DOCK4: variants seen among roughly 807,000 people sequenced by gnomAD.
DOCK4 encodes dedicator of cytokinesis 4, also known as dedicator of cytokinesis protein 4.
Under a neutral mutation model 268.1 loss-of-function variants are expected in DOCK4, and 97 were observed. The observed-to-expected ratio is 0.36, with a 90% CI of 0.31 to 0.43. The LOEUF (loss-of-function observed/expected upper bound fraction) is 0.43. Among genes scored for constraint, DOCK4 ranks in the 20% least tolerant of loss-of-function variants. The pLI is 1.00. For missense variants in DOCK4, 2,145 were observed against 2,455.7 expected (o/e 0.87, Z 2.67); for synonymous variants, 954 against 887.2 (o/e 1.08, Z -1.34).
intron 25 of DOCK4, among the ~76,000 whole-genome samples, chr7:111,835,561 C>A (rs1028777882): frequency 6.6e-6 from 1 of 152,118 alleles, no homozygotes; most frequent in Non-Finnish European, 1.5e-5. Context: ...TTCAATGCAA[C>A]CTTTTGTGCT....
At chr7:112,063,733 G>A (rs1473921020) in intron 1 of DOCK4, among the ~76,000 whole-genome samples, 2 of 152,102 alleles carry the variant, frequency 1.3e-5, no homozygotes, top group African/African-American at 2.4e-5. Flanking sequence ...CCAATTTAGG[G>A]TCTTTGTATC....
chr7:112,046,045 C>T (rs1586711237), intron 1 of DOCK4, among the ~76,000 whole-genome samples: 2 of 152,142 alleles, frequency 1.3e-5, no homozygotes, highest in East Asian at 3.9e-4. Flanking sequence ...AATCATTGTT[C>T]AATACCCTAT....
intron 1 of DOCK4, among the ~76,000 whole-genome samples, chr7:112,122,427 TTTC>T (rs1238476077): frequency 1.3e-5 from 2 of 152,128 alleles, no homozygotes; most frequent in African/African-American, 4.8e-5. Context: ...TTGTCTCTTT[TTTC>T]TTCTTCTTCT....
chr7:111,790,178 TAA>T (rs1373902612), intron 31 of DOCK4, among the ~76,000 whole-genome samples: 1 of 152,060 alleles, frequency 6.6e-6, no homozygotes, highest in African/African-American at 2.4e-5. Flanking sequence ...TGGGTGCAAA[TAA>T]AGTCTCTGCA....
chr7:111,838,961 T>C (rs1202173206), intron 25 of DOCK4, among the ~76,000 whole-genome samples: 2 of 152,250 alleles, frequency 1.3e-5, no homozygotes, highest in African/African-American at 4.8e-5. Flanking sequence ...GACTATGCTA[T>C]TGAGTTCATT....
At chr7:112,163,238 T>C (rs765783444) in intron 1 of DOCK4, among the ~76,000 whole-genome samples, 7 of 152,300 alleles carry the variant, frequency 4.6e-5, no homozygotes, top group Non-Finnish European at 8.8e-5. Flanking sequence ...CACTCTGACG[T>C]GGCCTAACCC....
chr7:111,958,474 C>CA (rs548165406), intron 8 of DOCK4, among the ~76,000 whole-genome samples: 13 of 152,138 alleles, frequency 8.5e-5, no homozygotes, highest in Non-Finnish European at 1.6e-4. Context: ...GGAAAAAAGA[C>CA]AGAGATGACC....
At chr7:112,084,650 T>C (rs1417990035) in intron 1 of DOCK4, among the ~76,000 whole-genome samples, 1 of 152,108 alleles carries the variant, frequency 6.6e-6, no homozygotes, top group Admixed American at 6.6e-5. Context: ...AATAGAGCAA[T>C]GCAGGAAATT....
At chr7:111,921,951 T>G (rs1793171060) in intron 12 of DOCK4, among the ~76,000 whole-genome samples, 1 of 152,222 alleles carries the variant, frequency 6.6e-6, no homozygotes, top group African/African-American at 2.4e-5. Context: ...TGTGATTAGG[T>G]TCTATAAAGG....
At chr7:112,068,688 G>A (rs191613052) in intron 1 of DOCK4, among the ~76,000 whole-genome samples, 263 of 152,254 alleles carry the variant, frequency 1.7e-3, no homozygotes, top group African/African-American at 6.0e-3. Flanking sequence ...CGGCTGCAGC[G>A]AGACTCATCT....
rs1800478801 is a variant in DOCK4 at position 111,803,920 on chromosome 7, G to GTGTC, written c.3166+4900_3166+4901insGACA. Among the ~76,000 whole-genome samples the GTGTC allele has an allele frequency of 4.6e-5, 7 of 152,290 alleles. No individual in the cohort carries two copies. In the South Asian group the frequency reaches 1.2e-3, roughly 27 times the overall value. On this transcript the variant is annotated intron_variant, in intron 30 of 52. Coordinates refer to ENST00000428084, the MANE Select transcript of DOCK4 (RefSeq NM_001363540.2). ...GATACCACCTCACACCCATTAGGAT[G>GTGTC]ACTACTGTCAAAAAACCAGGAAATA...
At chr7:112,166,566 T>C (rs1817632844) in intron 1 of DOCK4, among the ~76,000 whole-genome samples, 2 of 152,222 alleles carry the variant, frequency 1.3e-5, no homozygotes, top group Admixed American at 1.3e-4. Flanking sequence ...TCTAATCTAA[T>C]CTATGAAATC....
At chr7:111,939,388 G>A (rs535691339) in intron 11 of DOCK4, among the ~76,000 whole-genome samples, 41 of 151,582 alleles carry the variant, frequency 2.7e-4, no homozygotes, top group South Asian at 1.0e-3. Flanking sequence ...GGTGGCGGGC[G>A]CCTGTAGTCC....
At chr7:112,035,599 T>A (rs1803681492) in intron 1 of DOCK4, among the ~76,000 whole-genome samples, 1 of 152,054 alleles carries the variant, frequency 6.6e-6, no homozygotes, top group African/African-American at 2.4e-5. Flanking sequence ...AAAATCTAAT[T>A]AATGGCATGG....
rs191352523 is a variant in DOCK4, at chr7:111,822,556, A to G, written c.2836-100T>C. 7.6e-6 allele frequency: 8 copies of G among 1,046,636 alleles called. No homozygotes were observed. The African/African-American group carries it at 1.3e-4, about 17-fold the overall frequency. The allele number at this position is 1,046,636 out of a possible 1,614,324, so 64.8% of individuals were successfully genotyped here. ...GTACTGTTGTACTGTTACCATTTCC[A>G]AAGCAATTATAGAGAAGGGAGCCAT... On this transcript the variant is annotated intron_variant, in intron 26 of 52. Transcript: ENST00000428084.
intron 25 of DOCK4, among the ~76,000 whole-genome samples, chr7:111,835,015 T>C (rs1222001793): frequency 6.6e-6 from 1 of 152,204 alleles, no homozygotes; most frequent in Non-Finnish European, 1.5e-5. Flanking sequence ...GATCATTTAC[T>C]GAGCATTTAA....
chr7:111,816,155 G>C (rs1801535918), intron 27 of DOCK4, among the ~76,000 whole-genome samples: 1 of 152,010 alleles, frequency 6.6e-6, no homozygotes. Flanking sequence ...TCTCATCCAG[G>C]AAAGCTTATC....
At chr7:111,746,291 T>C in intron 44 of DOCK4, 43 bp downstream of exon 44, 1 of 1,540,710 alleles carries the variant, frequency 6.5e-7, no homozygotes, top group Non-Finnish European at 8.9e-7. Context: ...AGCAAGCACA[T>C]ATCCAGGCAA....
intron 12 of DOCK4, among the ~76,000 whole-genome samples, chr7:111,933,279 C>CGTATATAT (rs1210971817): frequency 5.3e-4 from 48 of 91,188 alleles, no homozygotes; most frequent in African/African-American, 2.1e-3. Flanking sequence ...TACATATATA[C>CGTATATAT]ATATATATAT....
Sources: gnomAD v4.1 joint callset for allele counts (sites outside exome capture counted in the v4.1 genomes callset) on GRCh38, gnomAD v4.1.1 for gene constraint, MANE v1.5 for transcripts, NCBI Gene and HGNC (gene_info 2026-07-23, HGNC 2026-07-21) for gene names.